The following CNTN5 variants were observed in gnomAD, a reference collection of about 807,000 sequenced individuals.
The protein encoded by CNTN5 is contactin-5.
In CNTN5, 77 loss-of-function variants were observed where a neutral mutation model predicts 129.1. The ratio of observed to expected loss-of-function variants is 0.60; its 90% CI spans 0.50 to 0.72. CNTN5 has a LOEUF of 0.72. Among genes scored for constraint, CNTN5 ranks in the 30% least tolerant of loss-of-function variants. CNTN5 has a pLI of 0.00. For missense variants in CNTN5, 1,478 were observed against 1,328.8 expected (o/e 1.11, Z -1.75); for synonymous variants, 509 against 465.6 (o/e 1.09, Z -1.20).
At chr11:99,817,293 G>A (rs577102674) in intron 3 of CNTN5, among the ~76,000 whole-genome samples, 1 of 152,326 alleles carries the variant, frequency 6.6e-6, no homozygotes, top group Admixed American at 6.5e-5. Context: ...TTGATGAAAA[G>A]GGAATCTTTA....
At chr11:99,104,421 G>A (rs1866898002) in intron 1 of CNTN5, among the ~76,000 whole-genome samples, 2 of 152,062 alleles carry the variant, frequency 1.3e-5, no homozygotes, top group African/African-American at 4.8e-5. Flanking sequence ...AAGGAAAGAT[G>A]TTGGTCAAAG....
chr11:99,896,733 G>T (rs1334386593), intron 6 of CNTN5, among the ~76,000 whole-genome samples: 1 of 152,206 alleles, frequency 6.6e-6, no homozygotes, highest in Non-Finnish European at 1.5e-5. Flanking sequence ...TTCAAACAAT[G>T]AAATTTAGAA....
intron 2 of CNTN5, among the ~76,000 whole-genome samples, chr11:99,334,988 A>G (rs1323732813): frequency 2.6e-5 from 4 of 152,172 alleles, no homozygotes; most frequent in Non-Finnish European, 5.9e-5. Flanking sequence ...GCTTGAAACA[A>G]TAATGGACAT....
At chr11:99,299,232 G>T (rs1333482260) in intron 1 of CNTN5, among the ~76,000 whole-genome samples, 2 of 152,028 alleles carry the variant, frequency 1.3e-5, no homozygotes, top group Non-Finnish European at 2.9e-5. Context: ...CTAGACAAAA[G>T]ACTTTAAATC....
chr11:99,786,576 G>T (rs1209386407), intron 3 of CNTN5, among the ~76,000 whole-genome samples: 1 of 152,132 alleles, frequency 6.6e-6, no homozygotes, highest in Non-Finnish European at 1.5e-5. Flanking sequence ...AACAAAGCTG[G>T]AGGCATTAAG....
At chr11:99,108,694 T>G (rs537777991) in intron 1 of CNTN5, among the ~76,000 whole-genome samples, 1 of 152,284 alleles carries the variant, frequency 6.6e-6, no homozygotes, top group South Asian at 2.1e-4. Context: ...AGTAAAGCTT[T>G]CTGTTGAAGT....
intron 9 of CNTN5, among the ~76,000 whole-genome samples, chr11:100,028,226 C>T (rs562879243): frequency 1.3e-5 from 2 of 152,008 alleles, no homozygotes; most frequent in Non-Finnish European, 2.9e-5. Flanking sequence ...ATAAAATTCA[C>T]AAGGACTATA....
At chr11:99,900,633 T>G (rs189207762) in intron 6 of CNTN5, among the ~76,000 whole-genome samples, 136 of 152,286 alleles carry the variant, frequency 8.9e-4, no homozygotes, top group African/African-American at 3.2e-3. Context: ...CTACAACCCT[T>G]TACTTTGAAC....
At chr11:99,284,600 GGTGTGTGTGTGT>G (rs71046675) in intron 1 of CNTN5, among the ~76,000 whole-genome samples, 8,958 of 124,706 alleles carry the variant, frequency 0.072, 407 homozygotes, top group African/African-American at 0.11. Flanking sequence ...AGAGATGAGT[GGTGTGTGTGTGT>G]GTGTGTGTGT....
chr11:99,445,988 G>A (rs1944050132), intron 2 of CNTN5, among the ~76,000 whole-genome samples: 1 of 151,676 alleles, frequency 6.6e-6, no homozygotes, highest in East Asian at 1.9e-4. Flanking sequence ...GGAGGCTGAG[G>A]CAGGAGAATC....
At chr11:99,145,992 C>T (rs1029195500) in intron 1 of CNTN5, among the ~76,000 whole-genome samples, 4 of 151,778 alleles carry the variant, frequency 2.6e-5, no homozygotes, top group African/African-American at 7.3e-5. Context: ...CTTTTCTATT[C>T]TCACATATAG....
At chr11:99,431,256 A>C (rs1213484541) in intron 2 of CNTN5, among the ~76,000 whole-genome samples, 1 of 152,078 alleles carries the variant, frequency 6.6e-6, no homozygotes, top group Non-Finnish European at 1.5e-5. Context: ...AAAACTTTCC[A>C]AGACAAAACT....
chr11:99,246,944 A>T (rs572638078), intron 1 of CNTN5, among the ~76,000 whole-genome samples: 1 of 152,280 alleles, frequency 6.6e-6, no homozygotes, highest in South Asian at 2.1e-4. Flanking sequence ...TTTGATTTGC[A>T]ACCTAACTTT....
chr11:99,500,685 A>G (rs1056904769), intron 2 of CNTN5, among the ~76,000 whole-genome samples: 1 of 151,986 alleles, frequency 6.6e-6, no homozygotes, highest in Non-Finnish European at 1.5e-5. Flanking sequence ...ATCTTAATTT[A>G]TGTATGTATT....
rs544659490 is a variant in CNTN5, at chr11:99,240,949, G to A, written c.-209-84397G>A. 6.6e-5 allele frequency among the ~76,000 whole-genome samples: 10 copies of A among 152,218 alleles called. No homozygotes were observed. In the South Asian group the frequency reaches 2.1e-3, roughly 32 times the overall value. Reference sequence around the variant, plus strand: ...ACCTGTGCAATATAGAATAATAAATGTAAGATATACAAGTCAGAAATGTTC... The same window carrying A: ...ACCTGTGCAATATAGAATAATAAATATAAGATATACAAGTCAGAAATGTTC... On this transcript the variant is annotated intron_variant, in intron 1 of 24. Coordinates refer to ENST00000524871, the MANE Select transcript of CNTN5 (RefSeq NM_014361.4).
At chr11:99,286,039 A>AG (rs34874124) in intron 1 of CNTN5, among the ~76,000 whole-genome samples, 12,245 of 99,002 alleles carry the variant, frequency 0.12, 1,209 homozygotes, top group East Asian at 0.5. Context: ...CTCCATCTGG[A>AG]GAAAAAAAAA....
intron 8 of CNTN5, among the ~76,000 whole-genome samples, chr11:99,992,183 T>C (rs988862458): frequency 9.2e-5 from 14 of 152,220 alleles, no homozygotes; most frequent in Non-Finnish European, 1.9e-4. Context: ...CAAGGTTTAC[T>C]GGACAGGAGT....
Position 100,105,061 on chromosome 11 carries a change from C to CCGCAT in CNTN5, c.1580+30772_1580+30776dup, listed in dbSNP as rs372035989. Among the ~76,000 whole-genome samples the CCGCAT allele has an allele frequency of 2.1e-3, 314 of 152,322 alleles. 1 individual carries two copies. Among genetic ancestry groups the CCGCAT allele is most frequent in the African/African-American group, 7.3e-3 (302 of 41,584 alleles). On this transcript the variant is annotated intron_variant, in intron 13 of 24. Transcript: ENST00000524871. ...TTACACTGATTTCACCATATATCCTCCGCATCGCAATTGGAAATGTAGATT... is the reference window on the plus strand; with the variant it reads ...TTACACTGATTTCACCATATATCCTCCGCATCGCATCGCAATTGGAAATGTAGATT...
At chr11:99,061,734 G>C (rs1864888189) in intron 1 of CNTN5, among the ~76,000 whole-genome samples, 1 of 152,096 alleles carries the variant, frequency 6.6e-6, no homozygotes, top group Non-Finnish European at 1.5e-5. Flanking sequence ...CCCCACGGCT[G>C]TTATCCCAGC....
Sources: allele counts gnomAD v4.1 joint callset (sites outside exome capture counted in the v4.1 genomes callset), GRCh38; gene constraint gnomAD v4.1.1; transcripts MANE v1.5; gene names NCBI Gene and HGNC (gene_info 2026-07-23, HGNC 2026-07-21).